PTPRT: variants seen among roughly 807,000 people sequenced by gnomAD.
PTPRT encodes protein tyrosine phosphatase receptor type T.
PTPRT carries 56 observed loss-of-function variants against 176.8 expected under a neutral mutation model. That is an observed-to-expected ratio of 0.32 (90% CI 0.26 to 0.40). PTPRT has a LOEUF of 0.40. Among genes scored for constraint, PTPRT ranks in the 10% least tolerant of loss-of-function variants. The probability of loss-of-function intolerance (pLI) is 1.00; values close to 1 mark genes in which losing one functional copy is unlikely to be tolerated. For synonymous variants in PTPRT, 783 were observed against 739.0 expected (o/e 1.06, Z -0.96); for missense variants, 1,540 against 1,908.2 (o/e 0.81, Z 3.60).
chr20:42,584,912 G>A (rs1232321108), intron 7 of PTPRT, among the ~76,000 whole-genome samples: 1 of 152,092 alleles, frequency 6.6e-6, no homozygotes, highest in African/African-American at 2.4e-5. Flanking sequence ...TGGAGGTGTA[G>A]GAATAACACA....
intron 6 of PTPRT, among the ~76,000 whole-genome samples, chr20:42,750,383 T>C (rs1237289265): frequency 6.6e-6 from 1 of 152,112 alleles, no homozygotes; most frequent in Non-Finnish European, 1.5e-5. Flanking sequence ...CTCCCTCTCA[T>C]AGGACCTATT....
At chr20:42,312,800 T>TC in intron 12 of PTPRT, among the ~76,000 whole-genome samples, 1 of 114,370 alleles carries the variant, frequency 8.7e-6, no homozygotes. Flanking sequence ...CAGAGTGAGA[T>TC]CCTTTTTTTT....
At chr20:42,944,560 C>T (rs542758765) in intron 1 of PTPRT, among the ~76,000 whole-genome samples, 1 of 152,320 alleles carries the variant, frequency 6.6e-6, no homozygotes, top group Admixed American at 6.5e-5. Context: ...TCCCTGGCCT[C>T]ACTGGTCTTC....
intron 7 of PTPRT, among the ~76,000 whole-genome samples, chr20:42,484,877 C>A (rs749993417): frequency 3.3e-5 from 5 of 152,160 alleles, no homozygotes; most frequent in Non-Finnish European, 5.9e-5. Context: ...CACCTCATGC[C>A]CAGAAATCTG....
intron 7 of PTPRT, among the ~76,000 whole-genome samples, chr20:42,572,075 T>C (rs575837908): frequency 4.0e-4 from 61 of 152,290 alleles, no homozygotes; most frequent in African/African-American, 1.4e-3. Flanking sequence ...CTCCAGAATA[T>C]ATGATGTCTG....
intron 11 of PTPRT, among the ~76,000 whole-genome samples, chr20:42,336,533 G>C (rs1340013891): frequency 6.6e-6 from 1 of 152,104 alleles, no homozygotes; most frequent in Non-Finnish European, 1.5e-5. Flanking sequence ...GAATGAAAAA[G>C]GTTAATGTAT....
At chr20:42,856,388 G>A (rs2078563500) in intron 2 of PTPRT, among the ~76,000 whole-genome samples, 1 of 152,120 alleles carries the variant, frequency 6.6e-6, no homozygotes, top group Non-Finnish European at 1.5e-5. Context: ...AAGATTGTGT[G>A]TCCCCCACAG....
At chr20:42,871,773 G>C (rs952626857) in intron 2 of PTPRT, among the ~76,000 whole-genome samples, 2 of 139,590 alleles carry the variant, frequency 1.4e-5, no homozygotes, top group African/African-American at 6.3e-5. Context: ...AAGATTATTT[G>C]ACCATGTATG....
At chr20:42,457,579 C>T (rs2070945469) in intron 8 of PTPRT, among the ~76,000 whole-genome samples, 2 of 152,118 alleles carry the variant, frequency 1.3e-5, no homozygotes, top group African/African-American at 4.8e-5. Flanking sequence ...CTGCTAGTTA[C>T]CATGTAAGTC....
intron 1 of PTPRT, among the ~76,000 whole-genome samples, chr20:43,055,659 G>A (rs962734849): frequency 2.6e-5 from 4 of 152,226 alleles, no homozygotes; most frequent in African/African-American, 9.6e-5. Context: ...TTCCTAGCAT[G>A]ACCAGAATTG....
intron 7 of PTPRT, among the ~76,000 whole-genome samples, chr20:42,581,831 G>A (rs987056711): frequency 6.6e-6 from 1 of 152,180 alleles, no homozygotes; most frequent in Non-Finnish European, 1.5e-5. Flanking sequence ...GGGGGAGGGT[G>A]CTGCAAGATG....
chr20:43,097,283 C>T (rs77239749), intron 1 of PTPRT, among the ~76,000 whole-genome samples: 4 of 152,102 alleles, frequency 2.6e-5, no homozygotes, highest in African/African-American at 7.2e-5. Context: ...TCAGGAAGGT[C>T]GCCTAACCTC....
chr20:42,212,708 T>C (rs917634555), intron 15 of PTPRT, among the ~76,000 whole-genome samples: 2 of 152,176 alleles, frequency 1.3e-5, no homozygotes, highest in Non-Finnish European at 2.9e-5. Flanking sequence ...TTGAATGGTA[T>C]GTTGCTGGTA....
intron 16 of PTPRT, among the ~76,000 whole-genome samples, chr20:42,174,495 A>G (rs1230665901): frequency 6.6e-6 from 1 of 152,206 alleles, no homozygotes; most frequent in Non-Finnish European, 1.5e-5. Context: ...TGATAGATCC[A>G]TGTGGACTCA....
intron 2 of PTPRT, among the ~76,000 whole-genome samples, chr20:42,807,132 C>A (rs1795329325): frequency 6.6e-6 from 1 of 152,174 alleles, no homozygotes; most frequent in African/African-American, 2.4e-5. Context: ...TCAGAAAGTC[C>A]TCTTCATGCT....
Position 43,148,227 on chromosome 20 carries a change from C to A in PTPRT, c.88+41419G>T, listed in dbSNP as rs150958674. On this transcript the variant is annotated intron_variant, in intron 1 of 30. Coordinates refer to ENST00000373187, the MANE Select transcript of PTPRT (RefSeq NM_007050.6). ...TGCATATCCTCATATTAAATATATG[C>A]TTCAATTGTTCACATGTCACTGTCC... Among the ~76,000 whole-genome samples the A allele has an allele frequency of 2.5e-4, 38 of 152,146 alleles. 1 individual carries two copies. The highest frequency in any genetic ancestry group is 2.2e-3 in the Admixed American group (34 of 15,272).
intron 1 of PTPRT, among the ~76,000 whole-genome samples, chr20:43,141,008 G>C (rs752635060): frequency 1.3e-5 from 2 of 152,150 alleles, no homozygotes; most frequent in Non-Finnish European, 2.9e-5. Context: ...CATTCAATAA[G>C]CCACATGTGC....
At chr20:42,705,538 C>T (rs1229465206) in intron 6 of PTPRT, among the ~76,000 whole-genome samples, 1 of 152,056 alleles carries the variant, frequency 6.6e-6, no homozygotes, top group East Asian at 1.9e-4. Context: ...GGGAATGTCA[C>T]GATGGCTTGA....
chr20:43,002,303 C>T (rs1160459283), intron 1 of PTPRT, among the ~76,000 whole-genome samples: 1 of 152,018 alleles, frequency 6.6e-6, no homozygotes, highest in Non-Finnish European at 1.5e-5. Context: ...TGAAAACGAA[C>T]TAATACAAGG....
Sources: gnomAD v4.1 joint callset for allele counts (sites outside exome capture counted in the v4.1 genomes callset) on GRCh38, gnomAD v4.1.1 for gene constraint, MANE v1.5 for transcripts, NCBI Gene and HGNC (gene_info 2026-07-23, HGNC 2026-07-21) for gene names.